The following PLD5 variants were observed in gnomAD, a reference collection of about 807,000 sequenced individuals.
PLD5 encodes the protein phospholipase D family member 5, also known as inactive phospholipase D5.
PLD5 carries 36 observed loss-of-function variants against 61.1 expected under a neutral mutation model. That is an observed-to-expected ratio of 0.59 (90% CI 0.45 to 0.78). PLD5 has a LOEUF of 0.78. Ranked by LOEUF, PLD5 falls within the 30% of genes least tolerant of loss-of-function variation. The pLI is 0.00. For synonymous variants in PLD5, 243 were observed against 242.8 expected (o/e 1.00, Z -0.01); for missense variants, 515 against 644.4 (o/e 0.80, Z 2.17).
intron 8 of PLD5, among the ~76,000 whole-genome samples, chr1:242,106,648 C>T (rs1661078099): frequency 6.6e-6 from 1 of 152,196 alleles, no homozygotes; most frequent in Non-Finnish European, 1.5e-5. Context: ...CGCTCTTCTC[C>T]TGTCTGGCCT....
At chr1:242,505,485 A>G (rs1377151171) in intron 1 of PLD5, among the ~76,000 whole-genome samples, 2 of 152,162 alleles carry the variant, frequency 1.3e-5, no homozygotes, top group African/African-American at 2.4e-5. Flanking sequence ...GTGTCCATCA[A>G]CTGATGAACA....
At chr1:242,104,164 G>C (rs1660875251) in intron 8 of PLD5, among the ~76,000 whole-genome samples, 1 of 151,982 alleles carries the variant, frequency 6.6e-6, no homozygotes, top group Non-Finnish European at 1.5e-5. Context: ...CTGTCCCCAG[G>C]CTGGAGTGCA....
Position 242,089,602 on chromosome 1 carries a change from A to G in PLD5, c.*252T>C, listed in dbSNP as rs1659652835. 5.4e-6 allele frequency: 3 copies of G among 555,282 alleles called. No homozygotes were observed. The South Asian group carries it at 9.0e-5, about 17-fold the overall frequency. 34.4% of individuals were successfully genotyped at this position (555,282 alleles called of 1,614,324 possible). ...CAGGAATGAAAGTCTTAAAATTTGT[A>G]TGCAAACGTAAAAACTAACTTCTAC... On this transcript the variant is annotated 3_prime_UTR_variant, in exon 10 of 10. Coordinates refer to ENST00000536534, the MANE Select transcript of PLD5 (RefSeq NM_001372062.1).
chr1:242,379,894 C>T (rs1247636553), intron 1 of PLD5, among the ~76,000 whole-genome samples: 3 of 152,112 alleles, frequency 2.0e-5, no homozygotes, highest in Non-Finnish European at 4.4e-5. Flanking sequence ...TTTTACAGCC[C>T]CAGCTTTTCT....
intron 2 of PLD5, among the ~76,000 whole-genome samples, chr1:242,299,078 T>C (rs12130281): frequency 0.065 from 9,828 of 151,976 alleles, 328 homozygotes; most frequent in Middle Eastern, 0.12. Context: ...CTCCAACAGC[T>C]AGCAAAATGT....
intron 2 of PLD5, among the ~76,000 whole-genome samples, chr1:242,310,309 T>G (rs1415251726): frequency 1.3e-5 from 2 of 152,098 alleles, no homozygotes; most frequent in Admixed American, 1.3e-4. Context: ...GACTCCTATC[T>G]CTTGGATAGG....
At chr1:242,232,727 C>T (rs1671387262) in intron 4 of PLD5, among the ~76,000 whole-genome samples, 1 of 152,002 alleles carries the variant, frequency 6.6e-6, no homozygotes, top group African/African-American at 2.4e-5. Flanking sequence ...CCTGCAATCC[C>T]AGCTATCCAG....
intron 1 of PLD5, among the ~76,000 whole-genome samples, chr1:242,367,506 C>A (rs1661409022): frequency 1.3e-5 from 2 of 152,144 alleles, no homozygotes; most frequent in African/African-American, 4.8e-5. Context: ...ATGAATAGGG[C>A]AATTTCCTCA....
At chr1:242,311,205 A>G (rs1048187231) in intron 2 of PLD5, among the ~76,000 whole-genome samples, 4 of 152,210 alleles carry the variant, frequency 2.6e-5, no homozygotes, top group Admixed American at 1.3e-4. Context: ...TGACTAAAAA[A>G]AAGTTTTTTT....
intron 4 of PLD5, among the ~76,000 whole-genome samples, chr1:242,257,936 T>C (rs1458313785): frequency 2.0e-5 from 3 of 152,182 alleles, no homozygotes; most frequent in Non-Finnish European, 4.4e-5. Flanking sequence ...GTGTTTGCTA[T>C]CCCTCTTCTT....
intron 3 of PLD5, among the ~76,000 whole-genome samples, chr1:242,279,615 C>A (rs960035912): frequency 6.6e-6 from 1 of 152,016 alleles, no homozygotes; most frequent in African/African-American, 2.4e-5. Flanking sequence ...CTCACTGCAA[C>A]CTCTGCCTCC....
chr1:242,207,834 TTATATATTTA>T lies in PLD5; in HGVS notation c.735+12144_735+12153del, dbSNP rs1461529810. The stretch of plus-strand genomic sequence containing the variant: ...TTTATATTTATATATTTATATATAT[TTATATATTTA>T]TATATATTTATATATTTATATATTT... On this transcript the variant is annotated intron_variant, in intron 5 of 9. Coordinates refer to ENST00000536534, the MANE Select transcript of PLD5 (RefSeq NM_001372062.1). Among the ~76,000 whole-genome samples the T allele has an allele frequency of 2.0e-4, 9 of 45,854 alleles. 1 individual carries two copies. Among genetic ancestry groups the T allele is most frequent in the Non-Finnish European group, 2.9e-4 (8 of 27,510 alleles). The allele number at this position is 45,854 out of a possible 152,430, so 30.1% of individuals were successfully genotyped here. A position where few individuals can be genotyped will look rare whatever the true frequency, so the allele number is the denominator to read the frequency against.
rs547535096 is a variant in PLD5 at position 242,194,618 on chromosome 1, GTATCTATC to G, written c.735+25362_735+25369del. Among the ~76,000 whole-genome samples the G allele has an allele frequency of 7.2e-3, 738 of 102,954 alleles. 2 individuals are homozygous for G. The highest frequency in any genetic ancestry group is 0.014 in the Middle Eastern group (3 of 222). The allele number at this position is 102,954 out of a possible 152,430, so 67.5% of individuals were successfully genotyped here. A position where few individuals can be genotyped will look rare whatever the true frequency, so the allele number is the denominator to read the frequency against. On this transcript the variant is annotated intron_variant, in intron 5 of 9. Coordinates refer to ENST00000536534, the MANE Select transcript of PLD5 (RefSeq NM_001372062.1). ...TCTATCTATCTATGTATCTATCTAT[GTATCTATC>G]TATCTATCTATCTATCTATCTATCT...
chr1:242,191,323 T>TATGA, intron 5 of PLD5, among the ~76,000 whole-genome samples: 1 of 152,306 alleles, frequency 6.6e-6, no homozygotes, highest in East Asian at 1.9e-4. Context: ...CGGTGGCTCA[T>TATGA]GCCTATAATC....
intron 1 of PLD5, among the ~76,000 whole-genome samples, chr1:242,462,610 TA>T (rs35055569): frequency 9.6e-5 from 14 of 145,934 alleles, no homozygotes; most frequent in East Asian, 2.0e-4. Flanking sequence ...AAAGTTGAAA[TA>T]AAAAAAAAAA....
chr1:242,415,344 C>T (rs1193583995), intron 1 of PLD5, among the ~76,000 whole-genome samples: 2 of 152,026 alleles, frequency 1.3e-5, no homozygotes, highest in African/African-American at 4.8e-5. Context: ...AGAAACAACC[C>T]ATCAGCAGAG....
chr1:242,386,704 A>G (rs1662621663), intron 1 of PLD5, among the ~76,000 whole-genome samples: 1 of 152,204 alleles, frequency 6.6e-6, no homozygotes, highest in Non-Finnish European at 1.5e-5. Flanking sequence ...GTAACAATAC[A>G]TGGCTCTTGA....
At chr1:242,240,832 T>G (rs1461181435) in intron 4 of PLD5, among the ~76,000 whole-genome samples, 1 of 152,168 alleles carries the variant, frequency 6.6e-6, no homozygotes, top group Non-Finnish European at 1.5e-5. Flanking sequence ...CTACCCTCTT[T>G]CTTCATCCTG....
At chr1:242,366,915 A>G (rs1490941459) in intron 1 of PLD5, among the ~76,000 whole-genome samples, 1 of 152,202 alleles carries the variant, frequency 6.6e-6, no homozygotes, top group Non-Finnish European at 1.5e-5. Flanking sequence ...TTTACTACTT[A>G]TAAACTTCCA....
Sources: allele counts gnomAD v4.1 joint callset (sites outside exome capture counted in the v4.1 genomes callset), GRCh38; gene constraint gnomAD v4.1.1; transcripts MANE v1.5; gene names NCBI Gene and HGNC (gene_info 2026-07-23, HGNC 2026-07-21).